ZNF324: variants seen among roughly 807,000 people sequenced by gnomAD.
The protein encoded by ZNF324 is zinc finger protein 324.
A neutral mutation model predicts 10.3 loss-of-function variants in ZNF324; 3 were observed. That is an observed-to-expected ratio of 0.29 (90% CI 0.13 to 0.75). The LOEUF (loss-of-function observed/expected upper bound fraction) is 0.75. Among genes scored for constraint, ZNF324 ranks in the 30% least tolerant of loss-of-function variants. ZNF324 has a pLI of 0.69. For synonymous variants in ZNF324, 430 were observed against 339.5 expected, an observed-to-expected ratio of 1.27 and a Z score of -2.93; for missense variants, 763 against 784.4, an observed-to-expected ratio of 0.97 and a Z score of 0.33.
At position 58,471,214 on chromosome 19, in the gene ZNF324, C is replaced by G. The variant is rs779265268; in HGVS notation, c.722C>G (p.Ser241Trp). The stretch of plus-strand genomic sequence containing the variant: ...AGACTCCTCGGTGGCCAGGAGCCCT[C>G]GACCTGGGACGAGCTGGGCGAGGCT... ...PHRLLGGQEPSTWDELGEALH... is the reference protein window; with the variant it reads ...PHRLLGGQEPWTWDELGEALH... Residue 241 changes from serine to tryptophan, a missense_variant, in exon 4 of 4, where the codon TCG becomes TGG. Ser to Trp is a radical substitution (Grantham distance 177). Coordinates refer to ENST00000196482, the MANE Select transcript of ZNF324 (RefSeq NM_014347.3). 1 of 1,613,524 alleles carries G rather than the reference C, an allele frequency of 6.2e-7. No individual in the cohort carries two copies. Among genetic ancestry groups the G allele is most frequent in the African/African-American group, 1.3e-5 (1 of 74,894 alleles).
intron 3 of ZNF324, 119 bp downstream of exon 3, chr19:58,469,963 C>CTTCCA: frequency 1.3e-6 from 1 of 754,250 alleles, no homozygotes; most frequent in African/African-American, 1.7e-5. Context: ...ATTCCCTTCC[C>CTTCCA]TTCCATCATC....
At chr19:58,469,585 C>A in intron 2 of ZNF324, 143 bp from the exon 3 acceptor site, 1 of 762,440 alleles carries the variant, frequency 1.3e-6, no homozygotes. Context: ...TTCCTGTGAG[C>A]CCCTTGCCCT....
chr19:58,472,341 AT>A lies in ZNF324; in HGVS notation c.*188del, dbSNP rs1276695180. 6.4e-6 allele frequency: 4 copies of A among 624,478 alleles called. No individual in the cohort carries two copies. Among genetic ancestry groups the A allele is most frequent in the Middle Eastern group, 4.4e-4 (1 of 2,288 alleles). The allele number at this position is 624,478 out of a possible 1,614,324, so 38.7% of individuals were successfully genotyped here. A position where few individuals can be genotyped will look rare whatever the true frequency, so the allele number is the denominator to read the frequency against. On this transcript the variant is annotated 3_prime_UTR_variant, in exon 4 of 4. Transcript: ENST00000196482. ...CAGTTCACCCACAGATCACACCTCC[AT>A]CCCCAAAGAGGTAGCACTGCAGCAA...
intron 2 of ZNF324, 141 bp from the exon 3 acceptor site, chr19:58,469,587 C>A: frequency 1.3e-6 from 1 of 780,888 alleles, no homozygotes; most frequent in Non-Finnish European, 2.1e-6. Flanking sequence ...CCTGTGAGCC[C>A]CTTGCCCTGT....
chr19:58,469,840 C>T lies in ZNF324; in HGVS notation c.234C>T (p.Asn78=), dbSNP rs761497917. The change falls in exon 3 of 4, where the codon AAC becomes AAT. Residue 78 remains asparagine, a synonymous_variant. Transcript: ENST00000196482. The part of the protein sequence containing the change: ...TLSRTTYRRR[N]PGSWSLTEDR... ...CCAGGACCACCTACAGGAGGCGCAA[C>T]CCTGGTGAGAGGGAGCTCAGGGTGG... 1 of 1,597,740 alleles carries T rather than the reference C, an allele frequency of 6.3e-7. No homozygotes were observed. Among genetic ancestry groups the T allele is most frequent in the Non-Finnish European group, 8.5e-7 (1 of 1,172,078 alleles).
Position 58,469,649 on chromosome 19 carries a change from G to T in ZNF324, c.122-79G>T, listed in dbSNP as rs1311279550. Reference sequence around the variant, plus strand: ...AGATGACATTTTCTGTTTCCGTGAAGCCCTGACTCCTGCCCTCTGTTTGGA... The same window carrying T: ...AGATGACATTTTCTGTTTCCGTGAATCCCTGACTCCTGCCCTCTGTTTGGA... On this transcript the variant is annotated intron_variant, in intron 2 of 3. Coordinates refer to ENST00000196482, the MANE Select transcript of ZNF324 (RefSeq NM_014347.3). 3 of 1,197,786 alleles carry T rather than the reference G, an allele frequency of 2.5e-6. No individual in the cohort carries two copies. In the African/African-American group the frequency reaches 4.5e-5, roughly 18 times the overall value. 74.2% of individuals were successfully genotyped at this position (1,197,786 alleles called of 1,614,324 possible).
chr19:58,473,458 T>C lies in ZNF324; in HGVS notation c.*1304T>C, dbSNP rs577483001. ...TACCATCTGCAACTCAGAGTAGGTG[T>C]TGCAGTTTCCTGTACAGCAGTTTGG... is the stretch of plus-strand genomic sequence containing the variant. On this transcript the variant is annotated 3_prime_UTR_variant, in exon 4 of 4. Transcript: ENST00000196482. The C allele has an allele frequency of 3.3e-5, 5 of 149,596 alleles. No individual in the cohort carries two copies. In the East Asian group the frequency reaches 7.9e-4, roughly 24 times the overall value. 9.3% of individuals were successfully genotyped at this position (149,596 alleles called of 1,614,324 possible).
chr19:58,471,555 A>C lies in ZNF324; in HGVS notation c.1063A>C (p.Asn355His). ...ECGKAFSHGS[N>H]LSQHRKIHAG... ...CGGCAAGGCCTTCAGCCACGGCTCCAACCTCAGCCAGCACCGCAAGATCCA... is the reference window on the plus strand; with the variant it reads ...CGGCAAGGCCTTCAGCCACGGCTCCCACCTCAGCCAGCACCGCAAGATCCA... Residue 355 changes from asparagine (N) to histidine (H), a missense_variant, in exon 4 of 4, where the codon AAC becomes CAC. Around this residue, in one of 3 missense-constraint regions of ZNF324, gnomAD observed 153 missense variants for 269.0 expected, o/e 0.57. Transcript: ENST00000196482. 1.3e-6 allele frequency: 2 copies of C among 1,584,090 alleles called. No homozygotes were observed. The highest frequency in any genetic ancestry group is 1.7e-6 in the Non-Finnish European group (2 of 1,163,328).
chr19:58,468,858 G>A (rs2053003743), intron 1 of ZNF324, among the ~76,000 whole-genome samples: 3 of 152,090 alleles, frequency 2.0e-5, no homozygotes, highest in African/African-American at 4.8e-5. Context: ...AGGGAAGGAG[G>A]GTGAGTGTCT....
At chr19:58,469,004 TA>T (rs2053004816) in intron 1 of ZNF324, among the ~76,000 whole-genome samples, 175 bp from the exon 2 acceptor site, 1 of 152,242 alleles carries the variant, frequency 6.6e-6, no homozygotes, top group South Asian at 2.1e-4. Context: ...TGAACTTTCT[TA>T]AAACATGAGA....
rs966958230 is a variant in ZNF324 at position 58,472,355 on chromosome 19, A to G, written c.*201A>G. On this transcript the variant is annotated 3_prime_UTR_variant, in exon 4 of 4. Transcript: ENST00000196482. ...ATCACACCTCCATCCCCAAAGAGGT[A>G]GCACTGCAGCAACATCAGGGGGAGG... The G allele has an allele frequency of 4.9e-5, 29 of 597,250 alleles. No individual in the cohort carries two copies. The African/African-American group carries it at 5.2e-4, about 11-fold the overall frequency. 37.0% of individuals were successfully genotyped at this position (597,250 alleles called of 1,614,324 possible). A position where few individuals can be genotyped will look rare whatever the true frequency, so the allele number is the denominator to read the frequency against.
chr19:58,468,242 C>T (rs1406564273), intron 1 of ZNF324: 20 of 985,204 alleles, frequency 2.0e-5, no homozygotes, highest in Non-Finnish European at 2.3e-5. Flanking sequence ...TGGACAGGGC[C>T]TATGAATTGG....
Position 58,469,967 on chromosome 19 carries a change from C to T in ZNF324, c.238+123C>T, listed in dbSNP as rs2122409079. 3 of 727,308 alleles carry T rather than the reference C, an allele frequency of 4.1e-6. No individual in the cohort carries two copies. In the South Asian group the frequency reaches 5.2e-5, roughly 13 times the overall value. 45.1% of individuals were successfully genotyped at this position (727,308 alleles called of 1,614,324 possible). A position where few individuals can be genotyped will look rare whatever the true frequency, so the allele number is the denominator to read the frequency against. On this transcript the variant is annotated intron_variant, in intron 3 of 3. Coordinates refer to ENST00000196482, the MANE Select transcript of ZNF324 (RefSeq NM_014347.3). The stretch of plus-strand genomic sequence containing the variant: ...CCTCCCACCCGATTCCCTTCCCTTC[C>T]ATCATCAGCCCCTCCTGGAGGCTGC...
Position 58,470,793 on chromosome 19 carries a change from A to T in ZNF324, c.301A>T (p.Thr101Ser), listed in dbSNP as rs750715308. The change falls in exon 4 of 4, where the codon ACC (threonine) becomes TCC (serine). Residue 101 changes from threonine to serine, a missense_variant. Thr to Ser is a moderately conservative substitution (Grantham distance 58). Transcript: ENST00000196482. Reference protein sequence around the residue: ...SGEWPRAFPDTPPGMTTSVFP... With the variant: ...SGEWPRAFPDSPPGMTTSVFP... The stretch of plus-strand genomic sequence containing the variant: ...AGAATGGCCACGAGCTTTCCCAGAT[A>T]CCCCACCTGGGATGACTACTAGCGT... 159 of 1,613,770 alleles carry T rather than the reference A, an allele frequency of 9.9e-5. No homozygotes were observed. The highest frequency in any genetic ancestry group is 1.3e-4 in the Non-Finnish European group (154 of 1,179,988).
At chr19:58,469,327 T>C (rs2053007749) in intron 2 of ZNF324, 21 bp downstream of exon 2, 1 of 1,609,774 alleles carries the variant, frequency 6.2e-7, no homozygotes, top group Non-Finnish European at 8.5e-7. Flanking sequence ...AGATACTCCA[T>C]GAAATGGGCA....
In ZNF324 at chr19:58,472,120, G is replaced by T. The variant is rs771637415; in HGVS notation, c.1628G>T (p.Gly543Val). Residue 543 changes from glycine (G) to valine (V), a missense_variant, in exon 4 of 4, where the codon GGC becomes GTC. By Grantham distance (109) the Gly-to-Val change is moderately radical. This residue lies in a region of ZNF324 where 231 missense variants were observed against 196.0 expected (regional missense o/e 1.18). Coordinates refer to ENST00000196482, the MANE Select transcript of ZNF324 (RefSeq NM_014347.3). The stretch of plus-strand genomic sequence containing the variant: ...GAAACCGAGCCCACTCCCGCCTCGG[G>T]CCCAGCCGCCGTCTCGCAGCCAGCG... ...AKETEPTPAS[G>V]PAAVSQPAEV is the part of the protein sequence containing the mutation. 6.3e-6 allele frequency: 10 copies of T among 1,590,716 alleles called. No individual in the cohort carries two copies. The highest frequency in any genetic ancestry group is 8.5e-6 in the Non-Finnish European group (10 of 1,169,794).
At position 58,471,347 on chromosome 19, in the gene ZNF324, C is replaced by T. The variant is rs545497291; in HGVS notation, c.855C>T (p.Tyr285=). 2.7e-5 allele frequency: 43 copies of T among 1,614,048 alleles called. No homozygotes were observed. In the East Asian group the frequency reaches 5.1e-4, roughly 19 times the overall value. ...GCACCCACACCGGGGAGCGGCCCTA[C>T]GAGTGCGCCCAGTGCGGCAAGGCCT... ...HLRTHTGERP[Y]ECAQCGKAFS... is the part of the protein sequence containing the mutation. The change falls in exon 4 of 4, where the codon TAC becomes TAT. Residue 285 remains tyrosine (Y), a synonymous_variant. Transcript: ENST00000196482.
chr19:58,474,084 T>C lies in ZNF324; in HGVS notation c.*1930T>C, dbSNP rs1414660291. The C allele has an allele frequency of 6.6e-6, 1 of 152,222 alleles. No individual in the cohort carries two copies. 9.4% of individuals were successfully genotyped at this position (152,222 alleles called of 1,614,324 possible). On this transcript the variant is annotated 3_prime_UTR_variant, in exon 4 of 4. Transcript: ENST00000196482. ...AGATCCAGGCCCCACACACTTGATA[T>C]TGGGGCCAGACTCTTCCACCTGTGA...
At chr19:58,470,610 C>A in intron 3 of ZNF324, 121 bp from the exon 4 acceptor site, 1 of 1,279,882 alleles carries the variant, frequency 7.8e-7, no homozygotes, top group Non-Finnish European at 1.1e-6. Flanking sequence ...CCAGCCTCAC[C>A]TCTACTTTTC....
Sources: gnomAD v4.1 joint callset for allele counts (sites outside exome capture counted in the v4.1 genomes callset) on GRCh38, gnomAD v4.1.1 for gene constraint, gnomAD v4.1.1 regional missense constraint, MANE v1.5 for transcripts, NCBI Gene and HGNC (gene_info 2026-07-23, HGNC 2026-07-21) for gene names.